The following RBFOX1 variants were observed in gnomAD, a reference collection of about 807,000 sequenced individuals.
RBFOX1 encodes RNA binding fox-1 homolog 1.
A neutral mutation model predicts 57.7 loss-of-function variants in RBFOX1; 8 were observed. The ratio of observed to expected loss-of-function variants is 0.14; its 90% CI spans 0.08 to 0.25. RBFOX1 has a LOEUF of 0.25. Among genes scored for constraint, RBFOX1 ranks in the 10% least tolerant of loss-of-function variants. RBFOX1 has a pLI of 1.00. For missense variants in RBFOX1, 611 were observed against 548.5 expected (o/e 1.11, Z -1.14); for synonymous variants, 326 against 222.4 (o/e 1.47, Z -4.15).
At chr16:6,858,114 T>C (rs1469383545) in intron 3 of RBFOX1, among the ~76,000 whole-genome samples, 2 of 152,224 alleles carry the variant, frequency 1.3e-5, no homozygotes, top group African/African-American at 4.8e-5. Context: ...AGTTATTAAA[T>C]ACAGTTATTA....
At chr16:6,944,503 G>C (rs2079123565) in intron 3 of RBFOX1, among the ~76,000 whole-genome samples, 1 of 152,076 alleles carries the variant, frequency 6.6e-6, no homozygotes, top group Non-Finnish European at 1.5e-5. Context: ...CAGTGACTTT[G>C]GATCAGAGTG....
At chr16:6,599,802 A>G (rs2097827396) in intron 2 of RBFOX1, among the ~76,000 whole-genome samples, 1 of 152,136 alleles carries the variant, frequency 6.6e-6, no homozygotes, top group African/African-American at 2.4e-5. Context: ...TGTATTTCTG[A>G]AAGGCAATTA....
At chr16:5,301,594 G>A (rs1261159252) in intron 1 of RBFOX1, among the ~76,000 whole-genome samples, 2 of 134,976 alleles carry the variant, frequency 1.5e-5, no homozygotes, top group African/African-American at 5.2e-5. Context: ...ACTCCAGCCT[G>A]GGTGACACAG....
intron 3 of RBFOX1, among the ~76,000 whole-genome samples, chr16:6,825,029 C>G (rs550475464): frequency 3.0e-3 from 264 of 87,914 alleles, no homozygotes; most frequent in African/African-American, 8.1e-3. Flanking sequence ...CGGCGTCTGG[C>G]TCTGTCACCC....
chr16:7,219,569 C>T (rs1462220086), intron 4 of RBFOX1, among the ~76,000 whole-genome samples: 2 of 152,118 alleles, frequency 1.3e-5, no homozygotes, highest in Non-Finnish European at 2.9e-5. Flanking sequence ...TTGTAGTGCC[C>T]AGAAAATATG....
chr16:6,917,683 G>T (rs753306961), intron 3 of RBFOX1, among the ~76,000 whole-genome samples: 1 of 152,196 alleles, frequency 6.6e-6, no homozygotes, highest in Non-Finnish European at 1.5e-5. Flanking sequence ...GGGTCTGTGT[G>T]CTGTGTGATG....
intron 3 of RBFOX1, among the ~76,000 whole-genome samples, chr16:6,982,362 G>A (rs142546528): frequency 1.8e-3 from 281 of 152,248 alleles, no homozygotes; most frequent in African/African-American, 6.5e-3. Flanking sequence ...GACTTTTGTT[G>A]GTTTTATTAG....
Position 6,770,596 on chromosome 16 carries a change from A to AT in RBFOX1, c.-16+115957dup, listed in dbSNP as rs5815346. 6.5e-4 allele frequency among the ~76,000 whole-genome samples: 97 copies of AT among 148,158 alleles called. 1 individual carries two copies. The highest frequency in any genetic ancestry group is 3.0e-3 in the East Asian group (15 of 5,062). On this transcript the variant is annotated intron_variant, in intron 3 of 15. Transcript: ENST00000550418. ...ACAATTTCAAGGTGTTCCCTGTTCA[A>AT]TTTTTTTTTTTAATGTGAGAAAAGA... is the stretch of plus-strand genomic sequence containing the variant.
At chr16:7,672,408 A>T (rs930691455) in intron 13 of RBFOX1, among the ~76,000 whole-genome samples, 14 of 152,220 alleles carry the variant, frequency 9.2e-5, no homozygotes, top group South Asian at 2.1e-4. Context: ...TTACGAAAGT[A>T]CTTTTTGTAA....
chr16:7,126,016 G>T (rs553234643), intron 4 of RBFOX1, among the ~76,000 whole-genome samples: 1 of 152,174 alleles, frequency 6.6e-6, no homozygotes, highest in Non-Finnish European at 1.5e-5. Context: ...CTGGGAGGCG[G>T]AGGTTGCAGT....
chr16:5,352,678 C>G (rs888554499), intron 1 of RBFOX1, among the ~76,000 whole-genome samples: 6 of 152,016 alleles, frequency 3.9e-5, no homozygotes, highest in Non-Finnish European at 8.8e-5. Context: ...CACGGTGGCT[C>G]ATACTTGTAA....
At chr16:5,744,067 A>T (rs2052880757) in intron 3 of RBFOX1, among the ~76,000 whole-genome samples, 1 of 152,054 alleles carries the variant, frequency 6.6e-6, no homozygotes, top group South Asian at 2.1e-4. Flanking sequence ...CTGGGCTGGG[A>T]AGTGCTTTCA....
intron 5 of RBFOX1, among the ~76,000 whole-genome samples, chr16:7,533,454 G>A (rs192258922): frequency 8.5e-5 from 13 of 152,206 alleles, no homozygotes; most frequent in Middle Eastern, 3.4e-3. Flanking sequence ...CTATGTCACT[G>A]CAGATGCTTC....
At chr16:6,969,358 T>C (rs146380491) in intron 3 of RBFOX1, among the ~76,000 whole-genome samples, 1 of 151,952 alleles carries the variant, frequency 6.6e-6, no homozygotes, top group African/African-American at 2.4e-5. Context: ...ATGCAGTGAT[T>C]CCATATTTAA....
chr16:5,367,161 G>C (rs755758380), intron 1 of RBFOX1, among the ~76,000 whole-genome samples: 12 of 152,140 alleles, frequency 7.9e-5, no homozygotes, highest in Non-Finnish European at 5.9e-5. Context: ...GTATAAATTT[G>C]ATCTGGTTTT....
At chr16:6,840,209 C>G (rs562245362) in intron 3 of RBFOX1, among the ~76,000 whole-genome samples, 1 of 152,256 alleles carries the variant, frequency 6.6e-6, no homozygotes, top group African/African-American at 2.4e-5. Context: ...AAATTCTAGA[C>G]TAAAAAGAGG....
intron 4 of RBFOX1, among the ~76,000 whole-genome samples, chr16:7,500,971 G>T (rs1190109799): frequency 6.6e-6 from 1 of 152,090 alleles, no homozygotes; most frequent in Non-Finnish European, 1.5e-5. Context: ...TGCTTTGCTC[G>T]GCCCTTGTCC....
At chr16:6,284,845 GGAGAACACATTGTT>G (rs2076738599) in intron 1 of RBFOX1, among the ~76,000 whole-genome samples, 2 of 152,164 alleles carry the variant, frequency 1.3e-5, no homozygotes, top group Non-Finnish European at 2.9e-5. Flanking sequence ...ACGAGTGCAT[GGAGAACACATTGTT>G]CTTCTCATTA....
chr16:7,140,357 G>A (rs1260248497), intron 4 of RBFOX1, among the ~76,000 whole-genome samples: 1 of 141,668 alleles, frequency 7.1e-6, no homozygotes, highest in Non-Finnish European at 1.5e-5. Context: ...CCCACTCTGA[G>A]TCTGTATGAT....
Sources: allele counts gnomAD v4.1 joint callset (sites outside exome capture counted in the v4.1 genomes callset), GRCh38; gene constraint gnomAD v4.1.1; transcripts MANE v1.5; gene names NCBI Gene and HGNC (gene_info 2026-07-23, HGNC 2026-07-21).